Variants in INO80 observed in about 807,000 individuals in gnomAD.
INO80 encodes the protein INO80 complex ATPase subunit.
A neutral mutation model predicts 203.4 loss-of-function variants in INO80; 20 were observed. The ratio of observed to expected loss-of-function variants is 0.10; its 90% CI spans 0.07 to 0.14. The LOEUF is 0.14. Ranked by LOEUF, INO80 falls within the 10% of genes least tolerant of loss-of-function variation. The pLI is 1.00. For missense variants in INO80, 1,419 were observed against 1,914.4 expected, an observed-to-expected ratio of 0.74 and a Z score of 4.83; for synonymous variants, 726 against 685.2, an observed-to-expected ratio of 1.06 and a Z score of -0.93.
chr15:41,083,328 C>T (rs557834075), intron 7 of INO80, among the ~76,000 whole-genome samples: 3 of 149,204 alleles, frequency 2.0e-5, no homozygotes, highest in African/African-American at 7.4e-5. Context: ...TCCAGAAATA[C>T]TTATTAACTG....
chr15:41,062,254 T>G (rs906245592), intron 14 of INO80, among the ~76,000 whole-genome samples: 2 of 152,134 alleles, frequency 1.3e-5, no homozygotes, highest in Non-Finnish European at 2.9e-5. Flanking sequence ...TTAATTTATA[T>G]TATTATTATT....
chr15:41,032,090 C>T (rs1296753231), intron 24 of INO80, among the ~76,000 whole-genome samples: 1 of 149,792 alleles, frequency 6.7e-6, no homozygotes, highest in South Asian at 2.1e-4. Flanking sequence ...CAGCACAGCA[C>T]AGCACAGCAC....
At chr15:41,058,019 T>A (rs941607754) in intron 16 of INO80, among the ~76,000 whole-genome samples, 1 of 152,108 alleles carries the variant, frequency 6.6e-6, no homozygotes, top group African/African-American at 2.4e-5. Context: ...AACACATAAC[T>A]TAGAATAAAA....
intron 27 of INO80, among the ~76,000 whole-genome samples, chr15:41,014,944 G>A (rs981838428): frequency 3.3e-5 from 5 of 152,146 alleles, no homozygotes; most frequent in Admixed American, 6.5e-5. Flanking sequence ...GTAGCAGGGC[G>A]AGGGTATGAA....
intron 23 of INO80, among the ~76,000 whole-genome samples, chr15:41,046,517 C>T (rs760054719): frequency 2.0e-5 from 3 of 150,864 alleles, no homozygotes; most frequent in African/African-American, 4.9e-5. Context: ...TGAGCCACTG[C>T]GCCTGGCCTA....
chr15:41,006,322 T>C (rs2044039844), intron 27 of INO80, among the ~76,000 whole-genome samples: 1 of 152,218 alleles, frequency 6.6e-6, no homozygotes, highest in South Asian at 2.1e-4. Flanking sequence ...TCTTAGAAAT[T>C]GCAATTCTTC....
At chr15:40,995,148 G>A (rs922461085) in intron 29 of INO80, among the ~76,000 whole-genome samples, 2 of 152,168 alleles carry the variant, frequency 1.3e-5, no homozygotes, top group Non-Finnish European at 2.9e-5. Flanking sequence ...GAGCCACCGC[G>A]TTCAGCCTAG....
intron 25 of INO80, among the ~76,000 whole-genome samples, chr15:41,026,473 A>G (rs937094670): frequency 1.3e-5 from 2 of 152,066 alleles, no homozygotes; most frequent in Non-Finnish European, 2.9e-5. Flanking sequence ...GGATCACTTG[A>G]GCCCAGGAGG....
intron 25 of INO80, among the ~76,000 whole-genome samples, chr15:41,026,148 T>TAGAAA (rs906949400): frequency 5.3e-5 from 8 of 152,190 alleles, no homozygotes; most frequent in African/African-American, 1.9e-4. Context: ...AGGGGTCCCC[T>TAGAAA]GTCAGATTCT....
At chr15:41,101,469 C>T (rs1376475737) in intron 1 of INO80, among the ~76,000 whole-genome samples, 1 of 152,112 alleles carries the variant, frequency 6.6e-6, no homozygotes, top group African/African-American at 2.4e-5. Flanking sequence ...ATTCCATCCT[C>T]TTTTATTTCA....
chr15:41,079,559 A>T, intron 9 of INO80, 142 bp downstream of exon 9: 1 of 776,502 alleles, frequency 1.3e-6, no homozygotes, highest in Non-Finnish European at 2.1e-6. Context: ...CAATGTGGAG[A>T]AACCGCATCT....
intron 24 of INO80, among the ~76,000 whole-genome samples, chr15:41,039,410 G>C (rs1368997108): frequency 6.6e-6 from 1 of 152,136 alleles, no homozygotes; most frequent in African/African-American, 2.4e-5. Flanking sequence ...CACATTCAGT[G>C]TGTGTGTGTG....
At position 40,992,001 on chromosome 15, in the gene INO80, C is replaced by T. The variant is rs111484321; in HGVS notation, c.3571-4027G>A. ...CTGTGTTAGCCAGGATGGTCTCGATCTCCTGACCTCGTGATCCGCCAGCCT... is the reference window on the plus strand; with the variant it reads ...CTGTGTTAGCCAGGATGGTCTCGATTTCCTGACCTCGTGATCCGCCAGCCT... On this transcript the variant is annotated intron_variant, in intron 29 of 35. Coordinates refer to ENST00000648947, the MANE Select transcript of INO80 (RefSeq NM_017553.3). Among the ~76,000 whole-genome samples, 1,338 of 152,294 alleles carry T rather than the reference C, an allele frequency of 8.8e-3. 8 individuals are homozygous for T. Among genetic ancestry groups the T allele is most frequent in the South Asian group, 0.03 (146 of 4,824 alleles).
chr15:41,095,708 G>A lies in INO80; in HGVS notation c.314-40C>T, dbSNP rs772266953. The A allele has an allele frequency of 5.0e-6, 8 of 1,606,730 alleles. No homozygotes were observed. The Admixed American group carries it at 5.0e-5, about 10-fold the overall frequency. On this transcript the variant is annotated intron_variant, in intron 3 of 35. Transcript: ENST00000648947. ...ACAAAGAATAAAAAAATTAAAGGAT[G>A]ACTGCCCCAAGATAACGATAGTCCA...
chr15:41,024,631 T>C (rs2044349178), intron 25 of INO80: 1 of 152,228 alleles, frequency 6.6e-6, no homozygotes, highest in African/African-American at 2.4e-5. Flanking sequence ...AGCGCTGCAG[T>C]ATTTTGGTAA....
rs955186654 is a variant in INO80 at position 40,980,776 on chromosome 15, A to T, written c.4454-336T>A. 2.3e-4 allele frequency among the ~76,000 whole-genome samples: 35 copies of T among 152,234 alleles called. 1 individual carries two copies. The highest frequency in any genetic ancestry group is 3.2e-3 in the Middle Eastern group (1 of 316). On this transcript the variant is annotated intron_variant, in intron 35 of 35. Coordinates refer to ENST00000648947, the MANE Select transcript of INO80 (RefSeq NM_017553.3). ...AGTTACAGGATGAGAGCTGTAACTT[A>T]CTAGGCACAAACAGGTTTTTCCTTT... is the stretch of plus-strand genomic sequence containing the variant.
chr15:41,031,348 A>G (rs1037600490), intron 24 of INO80, among the ~76,000 whole-genome samples: 2 of 151,418 alleles, frequency 1.3e-5, no homozygotes, highest in Non-Finnish European at 2.9e-5. Flanking sequence ...GATAGAAAAG[A>G]AAGTTTGTTC....
At chr15:41,039,553 GTA>G (rs2044636783) in intron 24 of INO80, among the ~76,000 whole-genome samples, 1 of 152,108 alleles carries the variant, frequency 6.6e-6, no homozygotes, top group Non-Finnish European at 1.5e-5. Context: ...CATTAATTAC[GTA>G]TGTTTCTCCT....
intron 26 of INO80, 119 bp from the exon 27 acceptor site, chr15:41,016,334 C>T: frequency 1.0e-6 from 1 of 967,748 alleles, no homozygotes; most frequent in African/African-American, 1.6e-5. Flanking sequence ...ATCATGAGAT[C>T]AGAAAAGTGC....
Sources: gnomAD v4.1 joint callset for allele counts (sites outside exome capture counted in the v4.1 genomes callset) on GRCh38, gnomAD v4.1.1 for gene constraint, MANE v1.5 for transcripts, NCBI Gene and HGNC (gene_info 2026-07-23, HGNC 2026-07-21) for gene names.